The following TNFRSF19 variants were observed in gnomAD, a reference collection of about 807,000 sequenced individuals.
The protein encoded by TNFRSF19 is tumor necrosis factor receptor superfamily member 19.
A neutral mutation model predicts 46.4 loss-of-function variants in TNFRSF19; 27 were observed. The observed-to-expected ratio is 0.58, with a 90% CI of 0.43 to 0.80. TNFRSF19 has a LOEUF of 0.80. Ranked by LOEUF, TNFRSF19 falls within the 30% of genes least tolerant of loss-of-function variation. The probability of loss-of-function intolerance (pLI) is 0.00; values close to 1 mark genes in which losing one functional copy is unlikely to be tolerated. For missense variants in TNFRSF19, 511 were observed against 530.8 expected (o/e 0.96, Z 0.37); for synonymous variants, 204 against 205.0 (o/e 1.00, Z 0.04).
intron 5 of TNFRSF19, among the ~76,000 whole-genome samples, chr13:23,652,091 C>A (rs1883686783): frequency 6.6e-6 from 1 of 152,034 alleles, no homozygotes; most frequent in Non-Finnish European, 1.5e-5. Flanking sequence ...CTGGCCCCTG[C>A]ACTTGTGGTT....
At position 23,659,127 on chromosome 13, in the gene TNFRSF19, T is replaced by G; in HGVS notation, c.523T>G (p.Cys175Gly). ...PRDTALAAVICSALATVLLAL... is the reference protein window; with the variant it reads ...PRDTALAAVIGSALATVLLAL... ...GGACACGGCGCTGGCTGCCGTTATCTGCAGCGCTCTGGCCACCGTCCTGCT... is the reference window on the plus strand; with the variant it reads ...GGACACGGCGCTGGCTGCCGTTATCGGCAGCGCTCTGGCCACCGTCCTGCT... The change falls in exon 6 of 10, where the codon TGC becomes GGC. Residue 175 changes from cysteine to glycine, a missense_variant. Cys to Gly is a radical substitution (Grantham distance 159, BLOSUM62 -3). Transcript: ENST00000248484. This position sits in a 1 kb window ranked among gnomAD's most constrained non-coding sequence, Gnocchi z 4.9. 1 of 1,614,110 alleles carries G rather than the reference T, an allele frequency of 6.2e-7. No individual in the cohort carries two copies. Among genetic ancestry groups the G allele is most frequent in the Non-Finnish European group, 8.5e-7 (1 of 1,180,042 alleles).
rs368465132 is a variant in TNFRSF19, at chr13:23,622,491, T to C, written c.360-4216T>C. ...AACATGACAACCTTCTAGCCTCATT[T>C]GTCTCATGGTCCTCAAACTTTTAAA... On this transcript the variant is annotated intron_variant, in intron 4 of 9. Transcript: ENST00000248484. Among the ~76,000 whole-genome samples the C allele has an allele frequency of 5.3e-4, 81 of 152,346 alleles. 1 individual carries two copies. Among genetic ancestry groups the C allele is most frequent in the African/African-American group, 1.9e-3 (77 of 41,574 alleles).
intron 5 of TNFRSF19, among the ~76,000 whole-genome samples, chr13:23,628,931 G>A (rs948598337): frequency 2.0e-5 from 3 of 152,202 alleles, no homozygotes; most frequent in Non-Finnish European, 4.4e-5. Flanking sequence ...TCTTCAGTGA[G>A]CATGAGTCCT....
intron 4 of TNFRSF19, among the ~76,000 whole-genome samples, chr13:23,623,252 A>C (rs1485063702): frequency 6.6e-6 from 1 of 152,188 alleles, no homozygotes; most frequent in Non-Finnish European, 1.5e-5. Flanking sequence ...CCATGTCCTC[A>C]AGGTTTATAC....
intron 5 of TNFRSF19, among the ~76,000 whole-genome samples, chr13:23,648,061 A>G (rs74679150): frequency 1.5e-3 from 224 of 151,926 alleles, no homozygotes; most frequent in East Asian, 8.2e-3. Flanking sequence ...GACTATTTTG[A>G]CTATTTCAGG....
At chr13:23,652,195 C>T (rs1006623411) in intron 5 of TNFRSF19, among the ~76,000 whole-genome samples, 2 of 152,162 alleles carry the variant, frequency 1.3e-5, no homozygotes, top group African/African-American at 4.8e-5. Flanking sequence ...TCTAGGCACT[C>T]ACTGTTTTCT....
intron 1 of TNFRSF19, among the ~76,000 whole-genome samples, chr13:23,578,870 C>A (rs1471607251): frequency 6.6e-6 from 1 of 152,222 alleles, no homozygotes; most frequent in African/African-American, 2.4e-5. Flanking sequence ...CTGCAGGAGG[C>A]GAACTCGGGC....
chr13:23,601,204 A>C (rs1190572319), intron 3 of TNFRSF19, among the ~76,000 whole-genome samples: 3 of 152,226 alleles, frequency 2.0e-5, no homozygotes, highest in African/African-American at 7.2e-5. Context: ...TATCATTTGC[A>C]AATTGCAGAA....
chr13:23,663,576 G>A (rs1217607355), intron 7 of TNFRSF19, among the ~76,000 whole-genome samples: 1 of 152,184 alleles, frequency 6.6e-6, no homozygotes, highest in Non-Finnish European at 1.5e-5. Context: ...AATAGTTTCA[G>A]TGGGAATGGT....
At chr13:23,623,370 T>G (rs1471312864) in intron 4 of TNFRSF19, among the ~76,000 whole-genome samples, 1 of 152,232 alleles carries the variant, frequency 6.6e-6, no homozygotes, top group Non-Finnish European at 1.5e-5. Flanking sequence ...TTGGGTTTCT[T>G]CTGCCTTTTG....
At chr13:23,594,602 C>T (rs1282459906) in intron 3 of TNFRSF19, among the ~76,000 whole-genome samples, 3 of 152,244 alleles carry the variant, frequency 2.0e-5, no homozygotes, top group East Asian at 3.8e-4. Flanking sequence ...GAAAGAAAGG[C>T]AGCAGCCCCA....
At chr13:23,669,381 A>G in intron 9 of TNFRSF19, 1 of 1,188,146 alleles carries the variant, frequency 8.4e-7, no homozygotes, top group East Asian at 4.2e-5. Context: ...TGGTTGAGAG[A>G]GGTGAGTCGG....
chr13:23,591,511 C>T (rs551772354), intron 2 of TNFRSF19, among the ~76,000 whole-genome samples: 74 of 151,886 alleles, frequency 4.9e-4, no homozygotes, highest in Non-Finnish European at 8.2e-4. Flanking sequence ...AAGTGGGATT[C>T]AGGTGAATGT....
chr13:23,623,108 C>T (rs1205130104), intron 4 of TNFRSF19, among the ~76,000 whole-genome samples: 2 of 152,126 alleles, frequency 1.3e-5, no homozygotes, highest in African/African-American at 4.8e-5. Flanking sequence ...TAAACAACTC[C>T]CCTTTGCTTC....
intron 3 of TNFRSF19, among the ~76,000 whole-genome samples, chr13:23,597,246 A>G (rs144599770): frequency 7.2e-4 from 110 of 152,334 alleles, no homozygotes; most frequent in African/African-American, 2.5e-3. Flanking sequence ...AACTAAGATC[A>G]GAGCAGAACT....
At chr13:23,573,591 T>A (rs2138127425) in intron 1 of TNFRSF19, among the ~76,000 whole-genome samples, 1 of 152,272 alleles carries the variant, frequency 6.6e-6, no homozygotes, top group Middle Eastern at 3.4e-3. Flanking sequence ...CAAAAACAGT[T>A]TAATAATTAA....
At position 23,674,161 on chromosome 13, in the gene TNFRSF19, G is replaced by C. The variant is rs1179854258; in HGVS notation, c.*781G>C. ...TTGTAGAGACTTGTATGCAAAGGTT[G>C]GCATATTTATATGAAAATTAGTTGC... On this transcript the variant is annotated 3_prime_UTR_variant, in exon 10 of 10. Coordinates refer to ENST00000248484, the MANE Select transcript of TNFRSF19 (RefSeq NM_148957.4). The C allele has an allele frequency of 1.3e-5, 2 of 152,150 alleles. No individual in the cohort carries two copies. Among genetic ancestry groups the C allele is most frequent in the African/African-American group, 2.4e-5 (1 of 41,432 alleles). 9.4% of individuals were successfully genotyped at this position (152,150 alleles called of 1,614,324 possible). A position where few individuals can be genotyped will look rare whatever the true frequency, so the allele number is the denominator to read the frequency against.
chr13:23,659,726 C>T lies in TNFRSF19; in HGVS notation c.610+512C>T, dbSNP rs939439706. ...TTCACCATGTTGGCCAGGCTGGTCT[C>T]GAACTCCTGACCTCGTGATCCGCCT... On this transcript the variant is annotated intron_variant, in intron 6 of 9. Coordinates refer to ENST00000248484, the MANE Select transcript of TNFRSF19 (RefSeq NM_148957.4). The surrounding 1 kb of genome is among the most constrained non-coding windows in gnomAD (Gnocchi z 4.9). Among the ~76,000 whole-genome samples the T allele has an allele frequency of 2.6e-5, 4 of 152,028 alleles. No individual in the cohort carries two copies. The highest frequency in any genetic ancestry group is 5.9e-5 in the Non-Finnish European group (4 of 67,994).
rs764748714 is a variant in TNFRSF19 at position 23,590,274 on chromosome 13, T to G, written c.69+22T>G. 2.1e-6 allele frequency: 3 copies of G among 1,439,194 alleles called. No individual in the cohort carries two copies. The East Asian group carries it at 7.0e-5, about 33-fold the overall frequency. 89.2% of individuals were successfully genotyped at this position (1,439,194 alleles called of 1,614,324 possible). On this transcript the variant is annotated intron_variant, in intron 2 of 9. Transcript: ENST00000248484. Reference sequence around the variant, plus strand: ...TTTGGTAAGTAAAGTCCTTTTTTCTTTCATAAGAATGTGGTGAAAGAATTC... The same window carrying G: ...TTTGGTAAGTAAAGTCCTTTTTTCTGTCATAAGAATGTGGTGAAAGAATTC...
Sources: allele counts gnomAD v4.1 joint callset (sites outside exome capture counted in the v4.1 genomes callset), GRCh38; gene constraint gnomAD v4.1.1; non-coding constraint Gnocchi (gnomAD v3.1); transcripts MANE v1.5; gene names NCBI Gene and HGNC (gene_info 2026-07-23, HGNC 2026-07-21).